The following ARMC2 variants were observed in gnomAD, a reference collection of about 807,000 sequenced individuals.
ARMC2 encodes armadillo repeat-containing protein 2.
In ARMC2, 67 loss-of-function variants were observed where a neutral mutation model predicts 90.3. That is an observed-to-expected ratio of 0.74 (90% CI 0.61 to 0.91). ARMC2 has a LOEUF of 0.91. ARMC2 is among the 40% of genes least tolerant of loss of function. The probability of loss-of-function intolerance (pLI) is 0.00; values close to 1 mark genes in which losing one functional copy is unlikely to be tolerated. For synonymous variants in ARMC2, 393 were observed against 393.0 expected (o/e 1.00, Z 0.00); for missense variants, 920 against 1,030.9 (o/e 0.89, Z 1.47).
At chr6:108,935,245 C>G (rs752386757) in intron 11 of ARMC2, among the ~76,000 whole-genome samples, 1 of 152,068 alleles carries the variant, frequency 6.6e-6, no homozygotes, top group Non-Finnish European at 1.5e-5. Context: ...TATTATTGAT[C>G]CACTTTATTG....
In ARMC2 at chr6:108,912,554, T is replaced by C. The variant is rs775626427; in HGVS notation, c.1346T>C (p.Val449Ala). Residue 449 changes from valine to alanine, a missense_variant, in exon 10 of 18, where the codon GTC becomes GCC. By Grantham distance (64) the Val-to-Ala change is moderately conservative. Coordinates refer to ENST00000392644, the MANE Select transcript of ARMC2 (RefSeq NM_032131.6). Reference sequence around the variant, plus strand: ...TTGCCTAATTCGGGCCACTTGCTAGTCCAGGTAAGTATTTTACTTGAAAAC... The same window carrying C: ...TTGCCTAATTCGGGCCACTTGCTAGCCCAGGTAAGTATTTTACTTGAAAAC... ...TFLPNSGHLL[V>A]QVTATLRNLV... 3.1e-6 allele frequency: 5 copies of C among 1,608,678 alleles called. No homozygotes were observed. In the South Asian group the frequency reaches 4.4e-5, roughly 14 times the overall value.
At chr6:108,877,384 C>T (rs778664165) in intron 5 of ARMC2, among the ~76,000 whole-genome samples, 1 of 152,190 alleles carries the variant, frequency 6.6e-6, no homozygotes, top group Non-Finnish European at 1.5e-5. Flanking sequence ...GAGTGTCACA[C>T]ATACGGAATT....
rs573074921 is a variant in ARMC2, at chr6:108,942,369, C to T, written c.1596+5370C>T. ...GGGTGGGCTGCCATAAAAAGCAAAA[C>T]AGAATCCCTTCAGACCAGCATGGCA... On this transcript the variant is annotated intron_variant, in intron 12 of 17. Transcript: ENST00000392644. Among the ~76,000 whole-genome samples the T allele has an allele frequency of 1.7e-4, 26 of 152,242 alleles. 1 individual carries two copies. Among genetic ancestry groups the T allele is most frequent in the African/African-American group, 6.0e-4 (25 of 41,540 alleles).
chr6:108,878,581 A>G lies in ARMC2; in HGVS notation c.671+2231A>G, dbSNP rs565721905. Among the ~76,000 whole-genome samples the G allele has an allele frequency of 3.3e-5, 5 of 152,328 alleles. No homozygotes were observed. In the South Asian group the frequency reaches 1.0e-3, roughly 32 times the overall value. On this transcript the variant is annotated intron_variant, in intron 5 of 17. Coordinates refer to ENST00000392644, the MANE Select transcript of ARMC2 (RefSeq NM_032131.6). ...ATATTGATGGAATATCTGAATATGG[A>G]TGGAATGGAGTTCAACTTTATGCTG...
At chr6:108,912,668 C>A in intron 10 of ARMC2, 110 bp downstream of exon 10, 1 of 1,009,130 alleles carries the variant, frequency 9.9e-7, no homozygotes, top group Non-Finnish European at 1.5e-6. Flanking sequence ...GGTGTGGGTG[C>A]CTGGCCTCCA....
chr6:109,042,214 G>A, the ARMC2 span, among the ~76,000 whole-genome samples: 1 of 151,940 alleles, frequency 6.6e-6, no homozygotes, highest in African/African-American at 2.4e-5. Context: ...GCAGTGCTGA[G>A]AGGGAAATTT....
the ARMC2 span, among the ~76,000 whole-genome samples, chr6:108,995,718 A>C: frequency 1.3e-5 from 2 of 152,208 alleles, no homozygotes; most frequent in African/African-American, 4.8e-5. Flanking sequence ...GAGGAGTTCA[A>C]GGCTGCAGTG....
intron 3 of ARMC2, among the ~76,000 whole-genome samples, chr6:108,866,342 T>C (rs1003731770): frequency 2.0e-5 from 3 of 152,220 alleles, no homozygotes; most frequent in Non-Finnish European, 2.9e-5. Context: ...GTGGGGAGGC[T>C]AAAAAGTAAA....
At chr6:109,013,330 G>A in the ARMC2 span, among the ~76,000 whole-genome samples, 2 of 152,068 alleles carry the variant, frequency 1.3e-5, no homozygotes, top group Admixed American at 6.6e-5. Context: ...GGCAGTCTTC[G>A]GAACAATGGG....
chr6:108,998,766 A>G, the ARMC2 span: 27 of 1,552,830 alleles, frequency 1.7e-5, 1 homozygote, highest in African/African-American at 3.2e-4. Flanking sequence ...CTTAGGGGGA[A>G]AAAAAAAAAG....
Position 108,928,021 on chromosome 6 carries a change from T to A in ARMC2, c.1351-67T>A, listed in dbSNP as rs1195017992. The A allele has an allele frequency of 4.2e-6, 6 of 1,445,564 alleles. No individual in the cohort carries two copies. The African/African-American group carries it at 7.1e-5, about 17-fold the overall frequency. 89.5% of individuals were successfully genotyped at this position (1,445,564 alleles called of 1,614,324 possible). A position where few individuals can be genotyped will look rare whatever the true frequency, so the allele number is the denominator to read the frequency against. On this transcript the variant is annotated intron_variant, in intron 10 of 17. Transcript: ENST00000392644. ...AGGAAATTTATGAAATGAATTGTAC[T>A]ATGCTGTTTCGTGTGGTTATATTTT... is the stretch of plus-strand genomic sequence containing the variant.
chr6:109,012,305 C>T, the ARMC2 span, among the ~76,000 whole-genome samples: 9 of 150,524 alleles, frequency 6.0e-5, no homozygotes, highest in African/African-American at 1.5e-4. Context: ...TGCAGTGGTA[C>T]GAACTTGGCT....
chr6:108,928,292 T>C (rs1775267997), intron 11 of ARMC2, 59 bp downstream of exon 11: 4 of 1,380,510 alleles, frequency 2.9e-6, no homozygotes, highest in Non-Finnish European at 3.8e-6. Context: ...GATTTGGGGT[T>C]ATCTTTAATA....
chr6:108,923,832 A>G (rs1159653070), intron 10 of ARMC2, among the ~76,000 whole-genome samples: 7 of 151,778 alleles, frequency 4.6e-5, no homozygotes, highest in Admixed American at 4.6e-4. Flanking sequence ...GGCCTCTGCT[A>G]AGCTCCCGCA....
intron 5 of ARMC2, among the ~76,000 whole-genome samples, chr6:108,888,988 T>C (rs1770668302): frequency 6.6e-6 from 1 of 152,146 alleles, no homozygotes; most frequent in Admixed American, 6.5e-5. Flanking sequence ...ATAGTGTGGG[T>C]TGAGTAAACC....
At chr6:108,856,408 A>T (rs975451492) in intron 2 of ARMC2, 20 of 192,376 alleles carry the variant, frequency 1.0e-4, no homozygotes, top group Non-Finnish European at 2.1e-4. Context: ...CTTTTCCCAT[A>T]GTCCTACCAC....
rs751335272 is a variant in ARMC2 at position 108,868,986 on chromosome 6, C to T, written c.454C>T (p.Pro152Ser). Residue 152 changes from proline to serine, a missense_variant, in exon 4 of 18, where the codon CCC becomes TCC. Transcript: ENST00000392644. The part of the protein sequence containing the change: ...RALLPDRSLP[P>S]SDSKKTVESK... ...CCTTCTGCCGGACAGATCCCTTCCT[C>T]CCTCCGACTGTAAGGCCATGTAACA... is the stretch of plus-strand genomic sequence containing the variant. 4.3e-6 allele frequency: 7 copies of T among 1,611,696 alleles called. No individual in the cohort carries two copies. In the South Asian group the frequency reaches 6.6e-5, roughly 15 times the overall value.
intron 12 of ARMC2, among the ~76,000 whole-genome samples, chr6:108,942,207 G>A (rs1776497648): frequency 6.6e-6 from 1 of 152,240 alleles, no homozygotes. Flanking sequence ...TTTTGAGTGT[G>A]TGAAATGCTT....
intron 1 of ARMC2, among the ~76,000 whole-genome samples, chr6:108,852,002 A>G (rs1774062762): frequency 6.6e-6 from 1 of 152,154 alleles, no homozygotes; most frequent in South Asian, 2.1e-4. Context: ...CACATAGGAA[A>G]CAGTTAATCA....
Sources: gnomAD v4.1 joint callset for allele counts (sites outside exome capture counted in the v4.1 genomes callset) on GRCh38, gnomAD v4.1.1 for gene constraint, MANE v1.5 for transcripts, NCBI Gene and HGNC (gene_info 2026-07-23, HGNC 2026-07-21) for gene names.